Variants in NEDD9 observed in about 807,000 individuals in gnomAD.
NEDD9 encodes the protein neural precursor cell expressed, developmentally down-regulated 9, also known as enhancer of filamentation 1.
NEDD9 carries 26 observed loss-of-function variants against 76.6 expected under a neutral mutation model. That is an observed-to-expected ratio of 0.34 (90% confidence interval 0.25 to 0.47). The LOEUF is 0.47. Ranked by LOEUF, NEDD9 falls within the 20% of genes least tolerant of loss-of-function variation. NEDD9 has a pLI of 1.00. For synonymous variants in NEDD9, 392 were observed against 414.2 expected (o/e 0.95, Z 0.65); for missense variants, 937 against 1,058.5 (o/e 0.89, Z 1.59).
intron 2 of NEDD9, among the ~76,000 whole-genome samples, chr6:11,308,016 A>G (rs1051198152): frequency 3.3e-5 from 5 of 152,114 alleles, no homozygotes; most frequent in Admixed American, 6.5e-5. Flanking sequence ...GGACCAGGAC[A>G]TTGGGACTTC....
At chr6:11,210,969 C>T (rs1366435592) in intron 2 of NEDD9, among the ~76,000 whole-genome samples, 1 of 152,176 alleles carries the variant, frequency 6.6e-6, no homozygotes, top group Admixed American at 6.5e-5. Flanking sequence ...CCCTCTTGCC[C>T]TCCCCATCCT....
Position 11,241,038 on chromosome 6 carries a change from T to C in NEDD9, c.13-27311A>G, listed in dbSNP as rs1457088184. On this transcript the variant is annotated intron_variant, in intron 3 of 3. Coordinates refer to the NEDD9 transcript ENST00000397378. This position sits in a 1 kb window ranked among gnomAD's most constrained non-coding sequence, Gnocchi z 4.0. ...TAGTTTGTCCAAATAAACAACTTGT[T>C]ATATGAAACTGTCATGGAAATCTTT... Among the ~76,000 whole-genome samples the C allele has an allele frequency of 6.6e-6, 1 of 152,234 alleles. No homozygotes were observed. The highest frequency in any genetic ancestry group is 2.4e-5 in the African/African-American group (1 of 41,468).
chr6:11,232,508 T>C lies in NEDD9; in HGVS notation c.8A>G (p.Tyr3Cys). MK[Y>C]KNLMARALYD... is the part of the protein sequence containing the mutation. ...CTGTAAAAGGCACTCTCTTACCTTATACTTCATTTCGGCAGCGGTGGGTTG... is the reference window on the plus strand; with the variant it reads ...CTGTAAAAGGCACTCTCTTACCTTACACTTCATTTCGGCAGCGGTGGGTTG... Residue 3 changes from tyrosine (Y) to cysteine (C), a missense_variant, in exon 1 of 7, where the codon TAT (tyrosine) becomes TGT (cysteine). Coordinates refer to ENST00000379446, the MANE Select transcript of NEDD9 (RefSeq NM_006403.4). 3 of 1,614,274 alleles carry C rather than the reference T, an allele frequency of 1.9e-6. No homozygotes were observed. The highest frequency in any genetic ancestry group is 2.5e-6 in the Non-Finnish European group (3 of 1,180,052).
At chr6:11,375,146 A>G (rs577434946) in intron 1 of NEDD9, among the ~76,000 whole-genome samples, 1 of 152,352 alleles carries the variant, frequency 6.6e-6, no homozygotes, top group African/African-American at 2.4e-5. Context: ...TAGCACTGCC[A>G]ACTGATAGAA....
chr6:11,334,959 G>T (rs1260842785), intron 1 of NEDD9, among the ~76,000 whole-genome samples: 1 of 152,174 alleles, frequency 6.6e-6, no homozygotes, highest in African/African-American at 2.4e-5. Flanking sequence ...GCTGTTGGAA[G>T]TTGACAATGA....
chr6:11,218,024 CT>C (rs1271112408), intron 1 of NEDD9, among the ~76,000 whole-genome samples: 2 of 152,210 alleles, frequency 1.3e-5, no homozygotes. Flanking sequence ...GAGATTTGTC[CT>C]TTGCACTTTC....
chr6:11,261,193 A>T (rs528331188), intron 3 of NEDD9, among the ~76,000 whole-genome samples: 5 of 152,158 alleles, frequency 3.3e-5, no homozygotes, highest in Non-Finnish European at 7.3e-5. Context: ...GAAAATGTAC[A>T]TTGGTACGCA....
intron 3 of NEDD9, among the ~76,000 whole-genome samples, chr6:11,273,693 A>G (rs1760360525): frequency 6.6e-6 from 1 of 152,228 alleles, no homozygotes; most frequent in Non-Finnish European, 1.5e-5. Context: ...GGCATTGTTC[A>G]TACAATGGAA....
At chr6:11,214,372 T>A (rs1236558432) in intron 1 of NEDD9, among the ~76,000 whole-genome samples, 1 of 152,248 alleles carries the variant, frequency 6.6e-6, no homozygotes, top group African/African-American at 2.4e-5. Flanking sequence ...CATCTCCAGC[T>A]TTGACAACAA....
intron 3 of NEDD9, among the ~76,000 whole-genome samples, chr6:11,269,254 T>G (rs1301908128): frequency 6.6e-6 from 1 of 152,242 alleles, no homozygotes; most frequent in Non-Finnish European, 1.5e-5. Context: ...TTCTCTGGTG[T>G]CTTAGGCTAT....
intron 3 of NEDD9, among the ~76,000 whole-genome samples, chr6:11,290,154 C>T (rs1760734920): frequency 6.6e-6 from 1 of 152,182 alleles, no homozygotes; most frequent in Non-Finnish European, 1.5e-5. Context: ...TTGCCTGTGT[C>T]CATTTCCTCA....
At chr6:11,249,811 T>G (rs1181199404) in intron 3 of NEDD9, among the ~76,000 whole-genome samples, 2 of 152,070 alleles carry the variant, frequency 1.3e-5, no homozygotes, top group East Asian at 3.8e-4. Context: ...GGCAATAGAG[T>G]GCATTTCCCT....
chr6:11,312,692 T>TA (rs1208887863), intron 2 of NEDD9, among the ~76,000 whole-genome samples: 5 of 65,946 alleles, frequency 7.6e-5, no homozygotes, highest in South Asian at 6.4e-4. Context: ...ATTATATATA[T>TA]TATATATATA....
At chr6:11,193,819 G>C in intron 2 of NEDD9, 127 bp from the exon 3 acceptor site, 1 of 559,992 alleles carries the variant, frequency 1.8e-6, no homozygotes, top group Non-Finnish European at 3.2e-6. Flanking sequence ...AAAGAAAGAA[G>C]ACATAACAGG....
chr6:11,290,120 G>T (rs887687211), intron 3 of NEDD9, among the ~76,000 whole-genome samples: 4 of 152,172 alleles, frequency 2.6e-5, no homozygotes, highest in Non-Finnish European at 5.9e-5. Flanking sequence ...TTACGATTCC[G>T]TTAAGGAGAC....
At chr6:11,220,566 C>T (rs1216201523) in intron 1 of NEDD9, among the ~76,000 whole-genome samples, 4 of 152,190 alleles carry the variant, frequency 2.6e-5, no homozygotes, top group African/African-American at 9.7e-5. Flanking sequence ...GGCTTGGAAT[C>T]TTAACATCTC....
intron 3 of NEDD9, among the ~76,000 whole-genome samples, chr6:11,262,287 A>C (rs970047686): frequency 3.3e-5 from 5 of 152,222 alleles, no homozygotes; most frequent in African/African-American, 1.2e-4. Context: ...TTTGCTTTAA[A>C]GACTTACTTT....
At chr6:11,230,190 G>T (rs73437370) in intron 1 of NEDD9, among the ~76,000 whole-genome samples, 1,818 of 152,266 alleles carry the variant, frequency 0.012, 28 homozygotes, top group African/African-American at 0.041. Flanking sequence ...ATCTTAAAAA[G>T]AAATTATCCT....
chr6:11,192,304 C>T (rs771610478), intron 4 of NEDD9, 41 bp downstream of exon 4: 3 of 860,428 alleles, frequency 3.5e-6, no homozygotes, highest in Non-Finnish European at 5.3e-6. Context: ...CACAGACACA[C>T]ACACACACTC....
Sources: allele counts gnomAD v4.1 joint callset (sites outside exome capture counted in the v4.1 genomes callset), GRCh38; gene constraint gnomAD v4.1.1; non-coding constraint Gnocchi (gnomAD v3.1); transcripts MANE v1.5; gene names NCBI Gene and HGNC (gene_info 2026-07-23, HGNC 2026-07-21).